SLFN13: variants seen among roughly 807,000 people sequenced by gnomAD.
The protein encoded by SLFN13 is schlafen family member 13.
SLFN13 carries 43 observed loss-of-function variants against 50.6 expected under a neutral mutation model. That is an observed-to-expected ratio of 0.85 (90% CI 0.67 to 1.09). SLFN13 has a LOEUF of 1.09. Ranked by LOEUF, SLFN13 falls within the 50% of genes least tolerant of loss-of-function variation. SLFN13 has a pLI of 0.00. For synonymous variants in SLFN13, 339 were observed against 386.5 expected, an observed-to-expected ratio of 0.88 and a Z score of 1.44; for missense variants, 881 against 1,071.1, an observed-to-expected ratio of 0.82 and a Z score of 2.48.
chr17:35,449,044 TACAACAACAACAACA>T (rs10610343), upstream of SLFN13, among the ~76,000 whole-genome samples: 2 of 148,288 alleles, frequency 1.3e-5, no homozygotes, highest in Non-Finnish European at 3.0e-5. Flanking sequence ...CCCCCGTCTG[TACAACAACAACAACA>T]ACAACAACAA....
At position 35,440,651 on chromosome 17, in the gene SLFN13, T is replaced by C; in HGVS notation, c.2638A>G (p.Asn880Asp). Reference sequence around the variant, plus strand: ...CTGGAAGCCAGACAGATCAGAATATTGGGTAAGATAGCTGGGTCAGCTGTC... The same window carrying C: ...CTGGAAGCCAGACAGATCAGAATATCGGGTAAGATAGCTGGGTCAGCTGTC... ...PRTADPAILP[N>D]ILICLASRAK... Residue 880 changes from asparagine to aspartate, a missense_variant, in exon 6 of 6, where the codon AAT becomes GAT. Asn to Asp is a conservative substitution (Grantham distance 23, BLOSUM62 1). This residue lies in a region of SLFN13 where 322 missense variants were observed against 327.4 expected (regional missense o/e 0.98). Coordinates refer to ENST00000285013, the MANE Select transcript of SLFN13 (RefSeq NM_144682.6). 6.2e-7 allele frequency: 1 copy of C among 1,614,142 alleles called. No individual in the cohort carries two copies.
intron 2 of SLFN13, chr17:35,445,933 C>G: frequency 2.6e-6 from 1 of 385,960 alleles, no homozygotes; most frequent in Admixed American, 4.1e-5. Context: ...AATAGGGTAT[C>G]TGAACGAATC....
chr17:35,435,225 C>A lies in SLFN13; in HGVS notation c.*5370G>T, dbSNP rs894411199. 1.4e-4 allele frequency: 21 copies of A among 152,082 alleles called. No individual in the cohort carries two copies. The highest frequency in any genetic ancestry group is 5.1e-4 in the African/African-American group (21 of 41,504). 9.4% of individuals were successfully genotyped at this position (152,082 alleles called of 1,614,324 possible). On this transcript the variant is annotated 3_prime_UTR_variant, in exon 6 of 6. Transcript: ENST00000285013. Reference sequence around the variant, plus strand: ...ACGGCTAAAGAATATTAACAATAAGCCTCTCCTCAGAGGTAAAACACCATA... The same window carrying A: ...ACGGCTAAAGAATATTAACAATAAGACTCTCCTCAGAGGTAAAACACCATA...
rs1485706510 is a variant in SLFN13 at position 35,436,601 on chromosome 17, A to C, written c.*3994T>G. 6.6e-6 allele frequency: 1 copy of C among 152,158 alleles called. No homozygotes were observed. Among genetic ancestry groups the C allele is most frequent in the Non-Finnish European group, 1.5e-5 (1 of 68,032 alleles). 9.4% of individuals were successfully genotyped at this position (152,158 alleles called of 1,614,324 possible). A position where few individuals can be genotyped will look rare whatever the true frequency, so the allele number is the denominator to read the frequency against. ...CAGAGTTAACATCATCAGGAATGGAACTAATCACTATCAAGTGCCTTCTAA... is the reference window on the plus strand; with the variant it reads ...CAGAGTTAACATCATCAGGAATGGACCTAATCACTATCAAGTGCCTTCTAA... On this transcript the variant is annotated 3_prime_UTR_variant, in exon 6 of 6. Coordinates refer to ENST00000285013, the MANE Select transcript of SLFN13 (RefSeq NM_144682.6).
rs183773780 is a variant in SLFN13 at position 35,437,058 on chromosome 17, A to G, written c.*3537T>C. 6.6e-6 allele frequency: 1 copy of G among 152,258 alleles called. No individual in the cohort carries two copies. Among genetic ancestry groups the G allele is most frequent in the African/African-American group, 2.4e-5 (1 of 41,576 alleles). 9.4% of individuals were successfully genotyped at this position (152,258 alleles called of 1,614,324 possible). ...TAAATGGGAACCCTGTCCGCTACTT[A>G]CTTTTGAATCTCAGGAAGAAAAATG... On this transcript the variant is annotated 3_prime_UTR_variant, in exon 6 of 6. Transcript: ENST00000285013.
At chr17:35,449,245 C>CAAA (rs10537503), upstream of SLFN13, among the ~76,000 whole-genome samples, 2 of 140,076 alleles carry the variant, frequency 1.4e-5, no homozygotes, top group South Asian at 2.3e-4. Flanking sequence ...GTTCCCCCTA[C>CAAA]AAAAAAAAAA....
Position 35,440,927 on chromosome 17 carries a change from T to A in SLFN13, c.2362A>T (p.Ile788Leu). The change falls in exon 6 of 6, where the codon ATA becomes TTA. Residue 788 changes from isoleucine to leucine, a missense_variant. Coordinates refer to ENST00000285013, the MANE Select transcript of SLFN13 (RefSeq NM_144682.6). Reference protein sequence around the residue: ...KIIKNFTLEQIVTYVADTCRC... With the variant: ...KIIKNFTLEQLVTYVADTCRC... ...CAGGTGTCTGCCACATAGGTCACTA[T>A]TTGCTCCAAAGTAAAGTTTTTAATA... is the stretch of plus-strand genomic sequence containing the variant. 2 of 1,613,990 alleles carry A rather than the reference T, an allele frequency of 1.2e-6. No individual in the cohort carries two copies. Among genetic ancestry groups the A allele is most frequent in the Non-Finnish European group, 1.7e-6 (2 of 1,180,022 alleles).
At position 35,444,632 on chromosome 17, in the gene SLFN13, ATT is replaced by A; in HGVS notation, c.1047_1048del (p.Lys349AsnfsTer14). ...CCTCTTACCTGGATCTGCGTCCATC[ATT>A]TTCTCTACCCATTCCTCAGTTGTCA... On this transcript the variant is annotated frameshift_variant, in exon 3 of 6. Transcript: ENST00000285013. LOFTEE classifies it high-confidence loss of function. 6.2e-7 allele frequency: 1 copy of A among 1,613,866 alleles called. No individual in the cohort carries two copies. Among genetic ancestry groups the A allele is most frequent in the Non-Finnish European group, 8.5e-7 (1 of 1,179,806 alleles).
chr17:35,444,418 T>A (rs1913083210), intron 3 of SLFN13, among the ~76,000 whole-genome samples, 197 bp downstream of exon 3: 1 of 152,234 alleles, frequency 6.6e-6, no homozygotes, highest in Admixed American at 6.5e-5. Flanking sequence ...TCTTCTTTTG[T>A]GGGAAATCAC....
intron 2 of SLFN13, 115 bp from the exon 3 acceptor site, chr17:35,445,808 G>T: frequency 1.1e-6 from 1 of 885,172 alleles, no homozygotes; most frequent in African/African-American, 1.7e-5. Flanking sequence ...TAAGACAATA[G>T]CAAGAAAGAC....
At position 35,444,903 on chromosome 17, in the gene SLFN13, C is replaced by T. The variant is rs753900500; in HGVS notation, c.778G>A (p.Ala260Thr). 1 of 1,614,206 alleles carries T rather than the reference C, an allele frequency of 6.2e-7. No individual in the cohort carries two copies. The highest frequency in any genetic ancestry group is 8.5e-7 in the Non-Finnish European group (1 of 1,180,034). Residue 260 changes from alanine to threonine, a missense_variant, in exon 3 of 6, where the codon GCC (alanine) becomes ACC (threonine). Ala to Thr is a moderately conservative substitution (Grantham distance 58, BLOSUM62 0). This residue lies in a region of SLFN13 where 497 missense variants were observed against 518.3 expected (regional missense o/e 0.96). Transcript: ENST00000285013. ...DDKSRKVLGC[A>T]KEQVDPDSLK... ...GAGTCAGGGTCAACCTGTTCTTTGG[C>T]ACATCCCAGGACTTTCCTACTCTTA...
Position 35,443,693 on chromosome 17 carries a change from C to T in SLFN13, c.1198+96G>A, listed in dbSNP as rs114155401. ...CTTGTGGCATTGTCACTGTGTACAC[C>T]TGGATCTGCAGGACACAATCTTTCA... On this transcript the variant is annotated intron_variant, in intron 4 of 5. Coordinates refer to ENST00000285013, the MANE Select transcript of SLFN13 (RefSeq NM_144682.6). The T allele has an allele frequency of 2.9e-3, 3,990 of 1,369,950 alleles. 91 individuals carry two copies. The African/African-American group carries it at 0.05, about 17-fold the overall frequency. 84.9% of individuals were successfully genotyped at this position (1,369,950 alleles called of 1,614,324 possible). A position where few individuals can be genotyped will look rare whatever the true frequency, so the allele number is the denominator to read the frequency against.
chr17:35,445,518 T>G lies in SLFN13; in HGVS notation c.163A>C (p.Asn55His), dbSNP rs894993315. 1 of 1,614,184 alleles carries G rather than the reference T, an allele frequency of 6.2e-7. No homozygotes were observed. Among genetic ancestry groups the G allele is most frequent in the Non-Finnish European group, 8.5e-7 (1 of 1,180,038 alleles). Residue 55 changes from asparagine to histidine, a missense_variant, in exon 3 of 6, where the codon AAC becomes CAC. Around this residue, in one of 5 missense-constraint regions of SLFN13, gnomAD observed 497 missense variants for 518.3 expected, o/e 0.96. Transcript: ENST00000285013. ...RVIRAACALLNSGGGVIQMEM... is the reference protein window; with the variant it reads ...RVIRAACALLHSGGGVIQMEM... ...ATCTGAATCACTCCTCCTCCTGAGT[T>G]TAATAAAGCACACGCGGCCCGTATA...
At chr17:35,446,249 C>T (rs1913209662) in intron 2 of SLFN13, among the ~76,000 whole-genome samples, 1 of 152,172 alleles carries the variant, frequency 6.6e-6, no homozygotes, top group South Asian at 2.1e-4. Flanking sequence ...AAGCCTGGAA[C>T]AAAGTCACCT....
intron 4 of SLFN13, among the ~76,000 whole-genome samples, chr17:35,443,253 C>T (rs776490228): frequency 1.3e-5 from 2 of 152,110 alleles, no homozygotes; most frequent in African/African-American, 2.4e-5. Flanking sequence ...TTATTTGGTG[C>T]CACCTTTGAA....
At position 35,445,088 on chromosome 17, in the gene SLFN13, A is replaced by G. The variant is rs1397287281; in HGVS notation, c.593T>C (p.Ile198Thr). 1 of 1,613,934 alleles carries G rather than the reference A, an allele frequency of 6.2e-7. No individual in the cohort carries two copies. The highest frequency in any genetic ancestry group is 8.5e-7 in the Non-Finnish European group (1 of 1,180,026). ...PAYEVFQTDT[I>T]EYGEILSFPE... is the part of the protein sequence containing the mutation. The stretch of plus-strand genomic sequence containing the variant: ...AAAAGATAGGATTTCACCATATTCA[A>G]TAGTGTCAGTTTGGAAAACTTCATA... Residue 198 changes from isoleucine to threonine, a missense_variant, in exon 3 of 6, where the codon ATT becomes ACT. By Grantham distance (89) the Ile-to-Thr change is moderately conservative (BLOSUM62 -1). Transcript: ENST00000285013.
rs1379657952 is a variant in SLFN13 at position 35,440,672 on chromosome 17, C to T, written c.2617G>A (p.Ala873Thr). ...ATATTGGGTAAGATAGCTGGGTCAGCTGTCCTTGGATGGATCCCAAACACT... is the reference window on the plus strand; with the variant it reads ...ATATTGGGTAAGATAGCTGGGTCAGTTGTCCTTGGATGGATCCCAAACACT... ...SIVFGIHPRT[A>T]DPAILPNILI... The change falls in exon 6 of 6, where the codon GCT becomes ACT. Residue 873 changes from alanine (A) to threonine (T), a missense_variant. Coordinates refer to ENST00000285013, the MANE Select transcript of SLFN13 (RefSeq NM_144682.6). 6.2e-7 allele frequency: 1 copy of T among 1,614,172 alleles called. No homozygotes were observed. Among genetic ancestry groups the T allele is most frequent in the African/African-American group, 1.3e-5 (1 of 75,062 alleles).
chr17:35,442,324 T>G (rs1429541929), intron 4 of SLFN13, 38 bp from the exon 5 acceptor site: 1 of 1,518,786 alleles, frequency 6.6e-7, no homozygotes, highest in South Asian at 1.3e-5. Context: ...TTTCACTGTG[T>G]TTATGTGATT....
chr17:35,443,512 C>A (rs181336553), intron 4 of SLFN13, among the ~76,000 whole-genome samples: 211 of 152,258 alleles, frequency 1.4e-3, no homozygotes, highest in Middle Eastern at 0.014. Context: ...TATGGCTAGG[C>A]CTTTCCCCTG....
Sources: allele counts gnomAD v4.1 joint callset (sites outside exome capture counted in the v4.1 genomes callset), GRCh38; gene constraint gnomAD v4.1.1; regional missense constraint gnomAD v4.1.1; transcripts MANE v1.5; gene names NCBI Gene and HGNC (gene_info 2026-07-23, HGNC 2026-07-21).